The following TNFRSF14 variants were observed in gnomAD, a reference collection of about 807,000 sequenced individuals.
TNFRSF14 encodes tumor necrosis factor receptor superfamily member 14.
TNFRSF14 carries 18 observed loss-of-function variants against 34.1 expected under a neutral mutation model. The observed-to-expected ratio is 0.53, with a 90% CI of 0.36 to 0.78. The LOEUF (loss-of-function observed/expected upper bound fraction) is 0.78. Among genes scored for constraint, TNFRSF14 ranks in the 30% least tolerant of loss-of-function variants. TNFRSF14 has a pLI of 0.00. For missense variants in TNFRSF14, 352 were observed against 379.5 expected (o/e 0.93, Z 0.60); for synonymous variants, 157 against 153.2 (o/e 1.02, Z -0.18).
intron 1 of TNFRSF14, 22 bp downstream of exon 1, chr1:2,556,755 C>G (rs1644221459): frequency 6.4e-7 from 1 of 1,573,772 alleles, no homozygotes; most frequent in Non-Finnish European, 8.6e-7. Context: ...AGCCTCCTCT[C>G]CGTCTGCTCG....
rs1557473381 is a variant in TNFRSF14, at chr1:2,556,574, C to CTGGCCCACAGCCGCAGCAA, written c.-86_-68dup. ...TTCTCTTTCTCTTTCTCTTTCTCTT[C>CTGGCCCACAGCCGCAGCAA]TGGCCCACAGCCGCAGCAATGGCGC... On this transcript the variant is annotated 5_prime_UTR_variant, in exon 1 of 8. It adds an upstream start codon to the 5' untranslated region. Coordinates refer to ENST00000355716, the MANE Select transcript of TNFRSF14 (RefSeq NM_003820.4). 7.9e-7 allele frequency: 1 copy of CTGGCCCACAGCCGCAGCAA among 1,263,478 alleles called. No individual in the cohort carries two copies. Among genetic ancestry groups the CTGGCCCACAGCCGCAGCAA allele is most frequent in the Admixed American group, 2.0e-5 (1 of 51,110 alleles). 78.3% of individuals were successfully genotyped at this position (1,263,478 alleles called of 1,614,324 possible).
intron 3 of TNFRSF14, 149 bp from the exon 4 acceptor site, chr1:2,559,674 G>C: frequency 1.3e-6 from 2 of 1,535,456 alleles, no homozygotes; most frequent in Non-Finnish European, 8.7e-7. Flanking sequence ...TCCATGCTGG[G>C]TACCTCTGGG....
In TNFRSF14 at chr1:2,563,242, C is replaced by T; in HGVS notation, c.821C>T (p.Pro274Leu). ...VTTVAVEETI[P>L]SFTGRSPNH ...ACGGTGGCCGTGGAGGAGACAATAC[C>T]CTCATTCACGGGGAGGAGCCCAAAC... Residue 274 changes from proline (P) to leucine (L), a missense_variant, in exon 8 of 8, where the codon CCC (proline) becomes CTC (leucine). Coordinates refer to ENST00000355716, the MANE Select transcript of TNFRSF14 (RefSeq NM_003820.4). The T allele has an allele frequency of 6.2e-7, 1 of 1,613,484 alleles. No individual in the cohort carries two copies. The highest frequency in any genetic ancestry group is 8.5e-7 in the Non-Finnish European group (1 of 1,180,006).
chr1:2,558,282 T>C, intron 2 of TNFRSF14, 61 bp from the exon 3 acceptor site: 1 of 1,548,740 alleles, frequency 6.5e-7, no homozygotes, highest in Non-Finnish European at 8.7e-7. Context: ...GGTGGAGTGA[T>C]GGGTGGGCTC....
Position 2,556,454 on chromosome 1 carries a change from A to G in TNFRSF14, c.-211A>G, listed in dbSNP as rs1019384293. The G allele has an allele frequency of 4.3e-5, 30 of 701,918 alleles. No homozygotes were observed. Among genetic ancestry groups the G allele is most frequent in the Non-Finnish European group, 7.5e-5 (29 of 386,162 alleles). 43.5% of individuals were successfully genotyped at this position (701,918 alleles called of 1,614,324 possible). ...TGTGTCCCCCAGCGCCGCTCCACCC[A>G]GCAGGCCTGAGCCCCTCTCTGCTGC... On this transcript the variant is annotated 5_prime_UTR_variant, in exon 1 of 8. Coordinates refer to ENST00000355716, the MANE Select transcript of TNFRSF14 (RefSeq NM_003820.4).
rs1644335924 is a variant in TNFRSF14, at chr1:2,563,191, C to T, written c.770C>T (p.Ala257Val). The T allele has an allele frequency of 1.2e-6, 2 of 1,613,508 alleles. No individual in the cohort carries two copies. Among genetic ancestry groups the T allele is most frequent in the Non-Finnish European group, 1.7e-6 (2 of 1,180,016 alleles). The change falls in exon 8 of 8, where the codon GCC becomes GTC. Residue 257 changes from alanine to valine, a missense_variant. Physicochemically the swap from Ala to Val is moderately conservative, Grantham distance 64. Transcript: ENST00000355716. ...GAAGGTGAGGCCACAGTCATTGAGG[C>T]CCTGCAGGCCCCTCCGGACGTCACC... ...EAEGEATVIE[A>V]LQAPPDVTTV...
chr1:2,561,196 G>C lies in TNFRSF14; in HGVS notation c.552-477G>C. The C allele has an allele frequency of 2.5e-6, 1 of 400,776 alleles. No individual in the cohort carries two copies. The highest frequency in any genetic ancestry group is 4.1e-5 in the Admixed American group (1 of 24,610). 24.8% of individuals were successfully genotyped at this position (400,776 alleles called of 1,614,324 possible). On this transcript the variant is annotated intron_variant, in intron 5 of 7. Transcript: ENST00000355716. The surrounding 1 kb of genome is among the most constrained non-coding windows in gnomAD (Gnocchi z 6.0). ...GCTGGGGTCCCCCAGCGGAGCCTGG[G>C]ATGGAGCAGGGATGGCTGCCCCAGG...
At chr1:2,562,722 CAGAG>C in intron 6 of TNFRSF14, 139 bp from the exon 7 acceptor site, 1 of 1,107,422 alleles carries the variant, frequency 9.0e-7, no homozygotes, top group South Asian at 1.3e-5. Context: ...CCTCTGCTCT[CAGAG>C]AGGGTCAGTC....
chr1:2,557,462 G>A (rs11573968), intron 1 of TNFRSF14, among the ~76,000 whole-genome samples: 2,092 of 152,256 alleles, frequency 0.014, 17 homozygotes, highest in Middle Eastern at 0.024. Context: ...GGTCCCTGGC[G>A]AGGGCAGAGT....
chr1:2,560,643 C>A lies in TNFRSF14; in HGVS notation c.480C>A (p.Thr160=), dbSNP rs1478627257. ...TCTCAGGCACCGAGAGTCAGGACAC[C>A]CTGTGTCAGAACTGCCCCCCGGGGA... ...VQKGGTESQD[T]LCQNCPPGTF... is the part of the protein sequence containing the mutation. Residue 160 remains threonine, a synonymous_variant, in exon 5 of 8, where the codon ACC becomes ACA. Coordinates refer to ENST00000355716, the MANE Select transcript of TNFRSF14 (RefSeq NM_003820.4). 1 of 1,613,502 alleles carries A rather than the reference C, an allele frequency of 6.2e-7. No homozygotes were observed. The highest frequency in any genetic ancestry group is 1.1e-5 in the South Asian group (1 of 91,070).
rs1454795766 is a variant in TNFRSF14, at chr1:2,561,451, C to T, written c.552-222C>T. ...TCCTGTCTCCTTTGCCCAGTCTCTC[C>T]TTGTTTCTCTTCTCCTCCTTCCTTC... On this transcript the variant is annotated intron_variant, in intron 5 of 7. Coordinates refer to ENST00000355716, the MANE Select transcript of TNFRSF14 (RefSeq NM_003820.4). This position sits in a 1 kb window ranked among gnomAD's most constrained non-coding sequence, Gnocchi z 6.0. 10 of 1,480,806 alleles carry T rather than the reference C, an allele frequency of 6.8e-6. No homozygotes were observed. Among genetic ancestry groups the T allele is most frequent in the Non-Finnish European group, 9.0e-6 (10 of 1,110,280 alleles). The allele number at this position is 1,480,806 out of a possible 1,614,324, so 91.7% of individuals were successfully genotyped here. A position where few individuals can be genotyped will look rare whatever the true frequency, so the allele number is the denominator to read the frequency against.
Position 2,563,174 on chromosome 1 carries a change from G to A in TNFRSF14, c.753G>A (p.Glu251=). ...GGAAAAGACAGGAGGCAGAAGGTGA[G>A]GCCACAGTCATTGAGGCCCTGCAGG... is the stretch of plus-strand genomic sequence containing the variant. ...VQRKRQEAEG[E]ATVIEALQAP... is the part of the protein sequence containing the mutation. Residue 251 remains glutamate, a synonymous_variant, in exon 8 of 8, where the codon GAG becomes GAA. Transcript: ENST00000355716. The A allele has an allele frequency of 6.2e-7, 1 of 1,613,514 alleles. No homozygotes were observed. The highest frequency in any genetic ancestry group is 8.5e-7 in the Non-Finnish European group (1 of 1,180,004).
chr1:2,558,434 A>G lies in TNFRSF14; in HGVS notation c.270A>G (p.Leu90=), dbSNP rs2100846178. 1 of 1,613,404 alleles carries G rather than the reference A, an allele frequency of 6.2e-7. No individual in the cohort carries two copies. Among genetic ancestry groups the G allele is most frequent in the African/African-American group, 1.3e-5 (1 of 75,040 alleles). The change falls in exon 3 of 8, where the codon CTA becomes CTG. Residue 90 remains leucine (L), a synonymous_variant. Transcript: ENST00000355716. ...PGTYIAHLNG[L]SKCLQCQMCD... is the part of the protein sequence containing the mutation. Reference sequence around the variant, plus strand: ...CCTACATTGCCCACCTCAATGGCCTAAGCAAGTGTCTGCAGTGCCAAATGT... The same window carrying G: ...CCTACATTGCCCACCTCAATGGCCTGAGCAAGTGTCTGCAGTGCCAAATGT...
rs758969127 is a variant in TNFRSF14 at position 2,563,301 on chromosome 1, A to C, written c.*28A>C. On this transcript the variant is annotated 3_prime_UTR_variant, in exon 8 of 8. Transcript: ENST00000355716. ...CACAGACTCTGCACCCCGACGCCAG[A>C]GATACCTGGAGCGACGGCTGCTGAA... 2 of 1,607,046 alleles carry C rather than the reference A, an allele frequency of 1.2e-6. No homozygotes were observed. The highest frequency in any genetic ancestry group is 2.2e-5 in the East Asian group (1 of 44,692).
chr1:2,561,733 G>C lies in TNFRSF14; in HGVS notation c.612G>C (p.Trp204Cys), dbSNP rs781048142. 6.2e-7 allele frequency: 1 copy of C among 1,613,622 alleles called. No individual in the cohort carries two copies. Among genetic ancestry groups the C allele is most frequent in the Non-Finnish European group, 8.5e-7 (1 of 1,179,998 alleles). Residue 204 changes from tryptophan (W) to cysteine (C), a missense_variant, in exon 6 of 8, where the codon TGG becomes TGC. By Grantham distance (215) the Trp-to-Cys change is radical. Transcript: ENST00000355716. This position sits in a 1 kb window ranked among gnomAD's most constrained non-coding sequence, Gnocchi z 6.0. ...CCAGCAGCTCCCACTGGGTATGGTGGTTTCTCTCAGGGAGCCTCGTCATCG... is the reference window on the plus strand; with the variant it reads ...CCAGCAGCTCCCACTGGGTATGGTGCTTTCTCTCAGGGAGCCTCGTCATCG... ...AGTSSSHWVW[W>C]FLSGSLVIVI...
At chr1:2,559,697 C>T in intron 3 of TNFRSF14, 126 bp from the exon 4 acceptor site, 2 of 1,536,122 alleles carry the variant, frequency 1.3e-6, no homozygotes, top group Non-Finnish European at 1.7e-6. Flanking sequence ...CCTCGTTTGG[C>T]TGAGCCAGGG....
At chr1:2,563,078 A>G in intron 7 of TNFRSF14, 70 bp from the exon 8 acceptor site, 1 of 1,602,038 alleles carries the variant, frequency 6.2e-7, no homozygotes, top group Non-Finnish European at 8.5e-7. Flanking sequence ...AAGCAGTAAA[A>G]TGAACCCGAG....
At chr1:2,560,565 C>T (rs796333835) in intron 4 of TNFRSF14, 59 bp from the exon 5 acceptor site, 65 of 1,373,256 alleles carry the variant, frequency 4.7e-5, no homozygotes, top group African/African-American at 4.5e-4. Context: ...AGTCCCTAGC[C>T]GCCAGCCCCC....
In TNFRSF14 at chr1:2,556,501, T is replaced by A. The variant is rs1644214888; in HGVS notation, c.-164T>A. On this transcript the variant is annotated 5_prime_UTR_variant, in exon 1 of 8. Coordinates refer to ENST00000355716, the MANE Select transcript of TNFRSF14 (RefSeq NM_003820.4). ...CTGCCAGACACCCCCTGCTGCCCAC[T>A]CTCCTGCTGCTCGGGTTCTGAGGCA... 9 of 763,282 alleles carry A rather than the reference T, an allele frequency of 1.2e-5. No individual in the cohort carries two copies. Among genetic ancestry groups the A allele is most frequent in the Non-Finnish European group, 1.6e-5 (7 of 437,604 alleles). 47.3% of individuals were successfully genotyped at this position (763,282 alleles called of 1,614,324 possible). A position where few individuals can be genotyped will look rare whatever the true frequency, so the allele number is the denominator to read the frequency against.
Sources: allele counts gnomAD v4.1 joint callset (sites outside exome capture counted in the v4.1 genomes callset), GRCh38; gene constraint gnomAD v4.1.1; non-coding constraint Gnocchi (gnomAD v3.1); transcripts MANE v1.5; gene names NCBI Gene and HGNC (gene_info 2026-07-23, HGNC 2026-07-21).